Variants in SLC30A4 observed in about 807,000 individuals in gnomAD.
SLC30A4 encodes solute carrier family 30 member 4.
A neutral mutation model predicts 41.7 loss-of-function variants in SLC30A4; 20 were observed. The observed-to-expected ratio is 0.48, with a 90% CI of 0.34 to 0.70. SLC30A4 has a LOEUF of 0.70. Among genes scored for constraint, SLC30A4 ranks in the 30% least tolerant of loss-of-function variants. The pLI is 0.01. For synonymous variants in SLC30A4, 181 were observed against 195.9 expected (o/e 0.92, Z 0.64); for missense variants, 441 against 529.3 (o/e 0.83, Z 1.64).
chr15:45,508,271 A>AAG (rs1892202450), intron 3 of SLC30A4, among the ~76,000 whole-genome samples: 1 of 152,160 alleles, frequency 6.6e-6, no homozygotes, highest in African/African-American at 2.4e-5. Context: ...CTTCCACACT[A>AAG]ATTCTTAGTT....
chr15:45,487,639 G>T lies in SLC30A4; in HGVS notation c.895-7C>A, dbSNP rs369147540. 6.8e-6 allele frequency: 9 copies of T among 1,318,198 alleles called. No homozygotes were observed. The highest frequency in any genetic ancestry group is 1.7e-5 in the Admixed American group (1 of 58,446). 81.7% of individuals were successfully genotyped at this position (1,318,198 alleles called of 1,614,324 possible). ...CAGCAATCTTGTATTCTGGCTAAAGGGTAATAGATCAAAATTTATGATTAA... is the reference window on the plus strand; with the variant it reads ...CAGCAATCTTGTATTCTGGCTAAAGTGTAATAGATCAAAATTTATGATTAA... On this transcript the variant is annotated splice_polypyrimidine_tract_variant and splice_region_variant and intron_variant, in intron 5 of 7. Coordinates refer to ENST00000261867, the MANE Select transcript of SLC30A4 (RefSeq NM_013309.6).
intron 2 of SLC30A4, chr15:45,513,721 A>G (rs1423529785): frequency 6.6e-6 from 1 of 152,254 alleles, no homozygotes; most frequent in South Asian, 2.1e-4. Context: ...TTGAAAACCA[A>G]CAGGCCACAA....
intron 2 of SLC30A4, among the ~76,000 whole-genome samples, chr15:45,518,100 C>T (rs1053750258): frequency 1.3e-5 from 2 of 152,254 alleles, no homozygotes; most frequent in African/African-American, 4.8e-5. Flanking sequence ...TGAAGCCAAA[C>T]TGGCCTTCTT....
chr15:45,513,181 A>C (rs1892350366), intron 2 of SLC30A4, among the ~76,000 whole-genome samples: 1 of 151,742 alleles, frequency 6.6e-6, no homozygotes, highest in South Asian at 2.1e-4. Context: ...TAGTGAAACT[A>C]AGGAATTTAA....
At chr15:45,517,519 A>C (rs1892522321) in intron 2 of SLC30A4, among the ~76,000 whole-genome samples, 1 of 151,052 alleles carries the variant, frequency 6.6e-6, no homozygotes, top group Non-Finnish European at 1.5e-5. Context: ...ATGCCTGGCT[A>C]ATTTTGTATT....
Position 45,490,710 on chromosome 15 carries a change from G to GA in SLC30A4, c.692+17dup. ...TCACAGTACTTGAAAATATTAATGT[G>GA]AAAAAAATAGAGCTTACATTACATT... is the stretch of plus-strand genomic sequence containing the variant. On this transcript the variant is annotated intron_variant, in intron 4 of 7. Coordinates refer to ENST00000261867, the MANE Select transcript of SLC30A4 (RefSeq NM_013309.6). 6.4e-7 allele frequency: 1 copy of GA among 1,562,246 alleles called. No homozygotes were observed.
intron 2 of SLC30A4, among the ~76,000 whole-genome samples, chr15:45,514,499 T>A (rs913786101): frequency 9.9e-5 from 15 of 151,650 alleles, no homozygotes; most frequent in Non-Finnish European, 1.5e-4. Context: ...GGAGTTTAGA[T>A]TGATATTCCA....
rs144172442 is a variant in SLC30A4, at chr15:45,487,619, A to C, written c.908T>G (p.Ile303Ser). 3.9e-6 allele frequency: 6 copies of C among 1,531,944 alleles called. No homozygotes were observed. In the East Asian group the frequency reaches 1.4e-4, roughly 35 times the overall value. The allele number at this position is 1,531,944 out of a possible 1,614,324, so 94.9% of individuals were successfully genotyped here. Reference sequence around the variant, plus strand: ...TACGTATGTACAGATGGGGTCAGCAATCTTGTATTCTGGCTAAAGGGTAAT... The same window carrying C: ...TACGTATGTACAGATGGGGTCAGCACTCTTGTATTCTGGCTAAAGGGTAAT... ...YIIRFKPEYK[I>S]ADPICTYVFS... The change falls in exon 6 of 8, where the codon ATT becomes AGT. Residue 303 changes from isoleucine to serine, a missense_variant. Around this residue, in one of 3 missense-constraint regions of SLC30A4, gnomAD observed 29 missense variants for 66.4 expected, o/e 0.44. Transcript: ENST00000261867.
intron 2 of SLC30A4, among the ~76,000 whole-genome samples, chr15:45,520,267 T>A (rs991590505): frequency 1.3e-5 from 2 of 151,682 alleles, no homozygotes; most frequent in Non-Finnish European, 2.9e-5. Context: ...TATTTATTAT[T>A]TTATTTACTT....
In SLC30A4 at chr15:45,488,956, C is replaced by A; in HGVS notation, c.779G>T (p.Cys260Phe). The change falls in exon 5 of 8, where the codon TGT (cysteine) becomes TTT (phenylalanine). Residue 260 changes from cysteine to phenylalanine, a missense_variant. By Grantham distance (205) the Cys-to-Phe change is radical. Coordinates refer to ENST00000261867, the MANE Select transcript of SLC30A4 (RefSeq NM_013309.6). ...PSNSPTRGSG[C>F]ERNHGQDSLA... ...GCTATCCTGCCCATGGTTACGTTCA[C>A]ACCCAGAACCTCTGGTAGGGGAATT... 6.2e-7 allele frequency: 1 copy of A among 1,614,122 alleles called. No individual in the cohort carries two copies. The highest frequency in any genetic ancestry group is 8.5e-7 in the Non-Finnish European group (1 of 1,179,968).
In SLC30A4 at chr15:45,508,396, T is replaced by C. The variant is rs528857707; in HGVS notation, c.538+2742A>G. On this transcript the variant is annotated intron_variant, in intron 3 of 7. Coordinates refer to ENST00000261867, the MANE Select transcript of SLC30A4 (RefSeq NM_013309.6). ...AGTAAGAAGGGAGGTAGGGGCATAGTGACCACTGGGAACGGCTTCCCACTT... is the reference window on the plus strand; with the variant it reads ...AGTAAGAAGGGAGGTAGGGGCATAGCGACCACTGGGAACGGCTTCCCACTT... Among the ~76,000 whole-genome samples, 46 of 152,274 alleles carry C rather than the reference T, an allele frequency of 3.0e-4. No individual in the cohort carries two copies. In the South Asian group the frequency reaches 9.1e-3, roughly 30 times the overall value.
chr15:45,486,528 C>G (rs888734965), intron 7 of SLC30A4, 83 bp downstream of exon 7: 24 of 1,247,206 alleles, frequency 1.9e-5, no homozygotes, highest in Non-Finnish European at 2.6e-5. Context: ...AAAAGTCTTC[C>G]TACATAATTA....
intron 3 of SLC30A4, among the ~76,000 whole-genome samples, chr15:45,508,017 C>T (rs1474058893): frequency 2.0e-5 from 3 of 151,958 alleles, no homozygotes; most frequent in Admixed American, 6.6e-5. Flanking sequence ...GAGACAGGGT[C>T]TTCCTATGTT....
intron 3 of SLC30A4, among the ~76,000 whole-genome samples, chr15:45,509,592 A>G (rs1344719779): frequency 6.6e-6 from 1 of 152,164 alleles, no homozygotes; most frequent in East Asian, 1.9e-4. Context: ...AGCTTAACAA[A>G]AGAAAAACTT....
rs1595519070 is a variant in SLC30A4, at chr15:45,481,515, A to G, written c.*3648T>C. 1 of 152,236 alleles carries G rather than the reference A, an allele frequency of 6.6e-6. No individual in the cohort carries two copies. The highest frequency in any genetic ancestry group is 1.9e-4 in the East Asian group (1 of 5,204). The allele number at this position is 152,236 out of a possible 1,614,324, so 9.4% of individuals were successfully genotyped here. On this transcript the variant is annotated 3_prime_UTR_variant, in exon 8 of 8. Transcript: ENST00000261867. ...ATTATTTGCAAATACTAATTAAAAT[A>G]TATCACACCAAAGAACTGCCAAGTT...
Position 45,484,126 on chromosome 15 carries a change from A to G in SLC30A4, c.*1037T>C, listed in dbSNP as rs531509684. On this transcript the variant is annotated 3_prime_UTR_variant, in exon 8 of 8. Coordinates refer to ENST00000261867, the MANE Select transcript of SLC30A4 (RefSeq NM_013309.6). ...CTCTCTGGATTAATGTTGTTGAACTATATGTGAAAGGTGGGAATTATAAAC... is the reference window on the plus strand; with the variant it reads ...CTCTCTGGATTAATGTTGTTGAACTGTATGTGAAAGGTGGGAATTATAAAC... 4 of 152,734 alleles carry G rather than the reference A, an allele frequency of 2.6e-5. No homozygotes were observed. The highest frequency in any genetic ancestry group is 9.6e-5 in the African/African-American group (4 of 41,562). The allele number at this position is 152,734 out of a possible 1,614,324, so 9.5% of individuals were successfully genotyped here.
chr15:45,489,097 T>A, intron 4 of SLC30A4, 55 bp from the exon 5 acceptor site: 1 of 1,293,302 alleles, frequency 7.7e-7, no homozygotes, highest in Non-Finnish European at 1.1e-6. Context: ...CAAAAACATT[T>A]GTCACTAGTC....
rs1183817834 is a variant in SLC30A4 at position 45,481,121 on chromosome 15, C to T, written c.*4042G>A. 1.3e-5 allele frequency: 2 copies of T among 152,150 alleles called. No homozygotes were observed. The highest frequency in any genetic ancestry group is 2.9e-5 in the Non-Finnish European group (2 of 68,010). The allele number at this position is 152,150 out of a possible 1,614,324, so 9.4% of individuals were successfully genotyped here. A position where few individuals can be genotyped will look rare whatever the true frequency, so the allele number is the denominator to read the frequency against. Reference sequence around the variant, plus strand: ...GTGGAACACCTGGGTTCAAAAGGAACACTAAGTCTCGTAAGAGCAAGAAAC... The same window carrying T: ...GTGGAACACCTGGGTTCAAAAGGAATACTAAGTCTCGTAAGAGCAAGAAAC... On this transcript the variant is annotated 3_prime_UTR_variant, in exon 8 of 8. Coordinates refer to ENST00000261867, the MANE Select transcript of SLC30A4 (RefSeq NM_013309.6).
At chr15:45,514,869 T>A (rs968727444) in intron 2 of SLC30A4, among the ~76,000 whole-genome samples, 3 of 151,996 alleles carry the variant, frequency 2.0e-5, no homozygotes, top group Non-Finnish European at 2.9e-5. Flanking sequence ...CTCAACTCTG[T>A]GAGAGAGTAC....
Sources: allele counts gnomAD v4.1 joint callset (sites outside exome capture counted in the v4.1 genomes callset), GRCh38; gene constraint gnomAD v4.1.1; regional missense constraint gnomAD v4.1.1; transcripts MANE v1.5; gene names NCBI Gene and HGNC (gene_info 2026-07-23, HGNC 2026-07-21).